Variants in SPEN observed in about 807,000 individuals in gnomAD.
SPEN encodes spen family transcriptional repressor.
In SPEN, 18 loss-of-function variants were observed where a neutral mutation model predicts 269.9. The observed-to-expected ratio is 0.07, with a 90% CI of 0.05 to 0.10. SPEN has a LOEUF of 0.10. Ranked by LOEUF, SPEN falls within the 10% of genes least tolerant of loss-of-function variation. SPEN has a pLI of 1.00. For synonymous variants in SPEN, 1,726 were observed against 1,765.7 expected, an observed-to-expected ratio of 0.98 and a Z score of 0.56; for missense variants, 3,822 against 4,631.2, an observed-to-expected ratio of 0.83 and a Z score of 5.07.
Position 15,930,279 on chromosome 1 carries a change from G to A in SPEN, c.4039G>A (p.Asp1347Asn), listed in dbSNP as rs750551093. The A allele has an allele frequency of 3.7e-6, 6 of 1,614,158 alleles. No individual in the cohort carries two copies. Among genetic ancestry groups the A allele is most frequent in the Non-Finnish European group, 5.1e-6 (6 of 1,180,020 alleles). Residue 1347 changes from aspartate (D) to asparagine (N), a missense_variant, in exon 11 of 15, where the codon GAT becomes AAT. Transcript: ENST00000375759. This position sits in a 1 kb window ranked among gnomAD's most constrained non-coding sequence, Gnocchi z 5.3. ...LNRWDSQMKQ[D>N]AGRFDVSFPN... ...TCGTTGGGACTCTCAGATGAAACAG[G>A]ATGCTGGCAGATTTGATGTGAGTTT...
chr1:15,894,272 T>A (rs1557746529), intron 3 of SPEN, among the ~76,000 whole-genome samples: 1 of 152,156 alleles, frequency 6.6e-6, no homozygotes, highest in African/African-American at 2.4e-5. Flanking sequence ...GTCTCTTAAA[T>A]AAAGACTGCT....
At chr1:15,854,701 G>C (rs528472454) in intron 1 of SPEN, among the ~76,000 whole-genome samples, 1 of 152,056 alleles carries the variant, frequency 6.6e-6, no homozygotes, top group East Asian at 1.9e-4. Flanking sequence ...GGCTGGTCTC[G>C]AACTCTTAAC....
Position 15,937,705 on chromosome 1 carries a change from C to G in SPEN, c.10509+60C>G. The G allele has an allele frequency of 1.2e-6, 2 of 1,606,026 alleles. No homozygotes were observed. Among genetic ancestry groups the G allele is most frequent in the Non-Finnish European group, 1.7e-6 (2 of 1,174,920 alleles). ...CAAGTTTTATGCCATGTCAAATGTC[C>G]TAAGATTCCCTAGTTAACAGACCCA... On this transcript the variant is annotated intron_variant, in intron 12 of 14. Coordinates refer to ENST00000375759, the MANE Select transcript of SPEN (RefSeq NM_015001.3). The surrounding 1 kb of genome is among the most constrained non-coding windows in gnomAD (Gnocchi z 5.7).
intron 3 of SPEN, among the ~76,000 whole-genome samples, chr1:15,876,943 C>G (rs113558558): frequency 1.3e-5 from 2 of 152,138 alleles, no homozygotes; most frequent in African/African-American, 4.8e-5. Flanking sequence ...GGTGGTGACT[C>G]TAGCTGTGCA....
intron 11 of SPEN, among the ~76,000 whole-genome samples, 166 bp downstream of exon 11, chr1:15,936,432 G>T (rs966037239): frequency 6.6e-6 from 1 of 152,078 alleles, no homozygotes; most frequent in African/African-American, 2.4e-5. Flanking sequence ...CTTAAGCCCG[G>T]GAGTTCGAGA....
intron 1 of SPEN, among the ~76,000 whole-genome samples, chr1:15,855,785 C>G (rs986077136): frequency 1.3e-5 from 2 of 151,488 alleles, no homozygotes; most frequent in East Asian, 3.9e-4. Context: ...ATCGCTTGAA[C>G]CCAGGAGGTG....
chr1:15,937,460 G>C lies in SPEN; in HGVS notation c.10324G>C (p.Asp3442His), dbSNP rs2071287786. ...CCCTGTGTCTGTCTCCATGAAGCCTGACCTTCCAGTCTCTCTTCCCACTCA... is the reference window on the plus strand; with the variant it reads ...CCCTGTGTCTGTCTCCATGAAGCCTCACCTTCCAGTCTCTCTTCCCACTCA... The part of the protein sequence containing the change: ...PSPVSVSMKP[D>H]LPVSLPTQTA... Residue 3442 changes from aspartate (D) to histidine (H), a missense_variant, in exon 12 of 15, where the codon GAC (aspartate) becomes CAC (histidine). By Grantham distance (81) the Asp-to-His change is moderately conservative. Around this residue, in one of 16 missense-constraint regions of SPEN, gnomAD observed 359 missense variants for 377.3 expected, o/e 0.95. Transcript: ENST00000375759. This position sits in a 1 kb window ranked among gnomAD's most constrained non-coding sequence, Gnocchi z 5.7. 7 of 1,613,678 alleles carry C rather than the reference G, an allele frequency of 4.3e-6. No homozygotes were observed. Among genetic ancestry groups the C allele is most frequent in the Non-Finnish European group, 5.9e-6 (7 of 1,180,018 alleles).
chr1:15,931,147 C>A lies in SPEN; in HGVS notation c.4907C>A (p.Ser1636Tyr). Residue 1636 changes from serine (S) to tyrosine (Y), a missense_variant, in exon 11 of 15, where the codon TCC becomes TAC. Ser to Tyr is a moderately radical substitution (Grantham distance 144). Coordinates refer to ENST00000375759, the MANE Select transcript of SPEN (RefSeq NM_015001.3). This position sits in a 1 kb window ranked among gnomAD's most constrained non-coding sequence, Gnocchi z 4.8. The part of the protein sequence containing the change: ...NKDSELKTPP[S>Y]VGPPSVTVVT... ...GATTCAGAACTGAAAACTCCACCTT[C>A]CGTTGGGCCTCCAAGTGTCACAGTC... is the stretch of plus-strand genomic sequence containing the variant. The A allele has an allele frequency of 6.2e-7, 1 of 1,614,242 alleles. No homozygotes were observed. The highest frequency in any genetic ancestry group is 1.1e-5 in the South Asian group (1 of 91,090).
chr1:15,856,859 C>T (rs1378448742), intron 1 of SPEN, among the ~76,000 whole-genome samples: 5 of 151,984 alleles, frequency 3.3e-5, no homozygotes, highest in Admixed American at 6.6e-5. Flanking sequence ...TAAGCCACTG[C>T]GCCTGGCCTA....
chr1:15,928,024 T>C lies in SPEN; in HGVS notation c.1851-67T>C. The C allele has an allele frequency of 2.9e-6, 4 of 1,368,812 alleles. No individual in the cohort carries two copies. Among genetic ancestry groups the C allele is most frequent in the Non-Finnish European group, 4.0e-6 (4 of 1,003,758 alleles). The allele number at this position is 1,368,812 out of a possible 1,614,324, so 84.8% of individuals were successfully genotyped here. ...TTAGAAGCAGGAATTTCTGATTTCATATGTATGATTTTATGCATAAGTGAT... is the reference window on the plus strand; with the variant it reads ...TTAGAAGCAGGAATTTCTGATTTCACATGTATGATTTTATGCATAAGTGAT... On this transcript the variant is annotated intron_variant, in intron 10 of 14. Transcript: ENST00000375759. This position sits in a 1 kb window ranked among gnomAD's most constrained non-coding sequence, Gnocchi z 5.7.
At chr1:15,872,786 C>T in intron 1 of SPEN, 30 bp from the exon 2 acceptor site, 3 of 1,450,228 alleles carry the variant, frequency 2.1e-6, no homozygotes, top group Non-Finnish European at 2.8e-6. Context: ...TATTGATATG[C>T]AGCAATAACG....
At chr1:15,887,303 C>T (rs1321216430) in intron 3 of SPEN, among the ~76,000 whole-genome samples, 52 of 76,174 alleles carry the variant, frequency 6.8e-4, no homozygotes, top group Admixed American at 1.6e-3. Flanking sequence ...TTTTTTGAGA[C>T]GGAGTCTTGC....
chr1:15,852,442 CAATACAGAAT>C (rs1419292734), intron 1 of SPEN, among the ~76,000 whole-genome samples: 1 of 151,412 alleles, frequency 6.6e-6, no homozygotes, highest in Non-Finnish European at 1.5e-5. Flanking sequence ...AATTATAAAG[CAATACAGAAT>C]AATACAGAAA....
intron 10 of SPEN, among the ~76,000 whole-genome samples, chr1:15,924,497 G>A (rs1370529219): frequency 3.3e-5 from 5 of 151,380 alleles, no homozygotes; most frequent in East Asian, 3.9e-4. Context: ...TTTCCCTTTC[G>A]TTGCCCAGGC....
At chr1:15,898,966 T>C (rs1035677502) in intron 3 of SPEN, among the ~76,000 whole-genome samples, 2 of 152,142 alleles carry the variant, frequency 1.3e-5, no homozygotes, top group African/African-American at 4.8e-5. Flanking sequence ...TGCTTCCACC[T>C]TTTGGGTGTT....
rs1182247816 is a variant in SPEN at position 15,930,819 on chromosome 1, G to A, written c.4579G>A (p.Ala1527Thr). 1 of 1,614,158 alleles carries A rather than the reference G, an allele frequency of 6.2e-7. No individual in the cohort carries two copies. Among genetic ancestry groups the A allele is most frequent in the Non-Finnish European group, 8.5e-7 (1 of 1,180,028 alleles). Reference sequence around the variant, plus strand: ...AGAGCAAGAGAGGCAGGAATTGTTTGCTTCTCGTTTTTTACACAGCTCAAT... The same window carrying A: ...AGAGCAAGAGAGGCAGGAATTGTTTACTTCTCGTTTTTTACACAGCTCAAT... ...EEEQERQELF[A>T]SRFLHSSIFE... Residue 1527 changes from alanine to threonine, a missense_variant, in exon 11 of 15, where the codon GCT becomes ACT. Coordinates refer to ENST00000375759, the MANE Select transcript of SPEN (RefSeq NM_015001.3). The surrounding 1 kb of genome is among the most constrained non-coding windows in gnomAD (Gnocchi z 5.3).
At chr1:15,914,941 C>T (rs1450170961) in intron 5 of SPEN, among the ~76,000 whole-genome samples, 2 of 152,082 alleles carry the variant, frequency 1.3e-5, no homozygotes, top group East Asian at 3.8e-4. Flanking sequence ...CATAGTTACT[C>T]TTATATCTAA....
intron 4 of SPEN, 104 bp downstream of exon 4, chr1:15,909,585 A>G: frequency 8.2e-7 from 1 of 1,212,842 alleles, no homozygotes; most frequent in Middle Eastern, 2.1e-4. Flanking sequence ...TATAATGGAA[A>G]ACCCATTTCG....
Position 15,847,823 on chromosome 1 carries a change from G to C in SPEN, c.-245G>C, listed in dbSNP as rs561548790. The C allele has an allele frequency of 8.5e-4, 206 of 241,124 alleles. 2 individuals are homozygous for C. Among genetic ancestry groups the C allele is most frequent in the Non-Finnish European group, 9.9e-4 (124 of 124,934 alleles). 14.9% of individuals were successfully genotyped at this position (241,124 alleles called of 1,614,324 possible). ...CCCTGCCCGGGCGCATGCGCTGCCGGAGCGCGAGGGTCGGCTTCGGGTGTG... is the reference window on the plus strand; with the variant it reads ...CCCTGCCCGGGCGCATGCGCTGCCGCAGCGCGAGGGTCGGCTTCGGGTGTG... On this transcript the variant is annotated 5_prime_UTR_variant, in exon 1 of 15. Transcript: ENST00000375759.
Sources: allele counts gnomAD v4.1 joint callset (sites outside exome capture counted in the v4.1 genomes callset), GRCh38; gene constraint gnomAD v4.1.1; regional missense constraint gnomAD v4.1.1; non-coding constraint Gnocchi (gnomAD v3.1); transcripts MANE v1.5; gene names NCBI Gene and HGNC (gene_info 2026-07-23, HGNC 2026-07-21).